ASIC2: variants seen among roughly 807,000 people sequenced by gnomAD.
The protein encoded by ASIC2 is acid-sensing ion channel 2.
ASIC2 carries 25 observed loss-of-function variants against 57.3 expected under a neutral mutation model. The ratio of observed to expected loss-of-function variants is 0.44; its 90% CI spans 0.32 to 0.61. The LOEUF is 0.61. Among genes scored for constraint, ASIC2 ranks in the 20% least tolerant of loss-of-function variants. The pLI, the probability that ASIC2 is intolerant of heterozygous loss-of-function variation, is 0.06. For synonymous variants in ASIC2, 319 were observed against 307.5 expected (o/e 1.04, Z -0.39); for missense variants, 641 against 738.1 (o/e 0.87, Z 1.52).
chr17:33,384,202 C>G (rs1001495567), intron 1 of ASIC2, among the ~76,000 whole-genome samples: 1 of 152,192 alleles, frequency 6.6e-6, no homozygotes, highest in East Asian at 1.9e-4. Flanking sequence ...GAATGTTACC[C>G]TGTAGAATAG....
chr17:33,447,356 A>G (rs9903070), intron 1 of ASIC2, among the ~76,000 whole-genome samples: 59,348 of 151,968 alleles, frequency 0.39, 12,003 homozygotes, highest in Non-Finnish European at 0.42. Flanking sequence ...TCAGGAGGAG[A>G]AGCCAAGGGG....
chr17:33,665,133 G>A (rs79427977), intron 1 of ASIC2, among the ~76,000 whole-genome samples: 1,657 of 152,182 alleles, frequency 0.011, 13 homozygotes, highest in Middle Eastern at 0.021. Context: ...GGCTCAGACC[G>A]TGAAGGCAGG....
At chr17:33,855,752 C>G (rs1271307369) in intron 1 of ASIC2, among the ~76,000 whole-genome samples, 1 of 152,068 alleles carries the variant, frequency 6.6e-6, no homozygotes, top group African/African-American at 2.4e-5. Context: ...TTTCTGTTGC[C>G]TGACCTAAGG....
intron 1 of ASIC2, among the ~76,000 whole-genome samples, chr17:33,478,300 T>C (rs934473145): frequency 6.6e-6 from 1 of 152,206 alleles, no homozygotes; most frequent in Non-Finnish European, 1.5e-5. Context: ...GCCCAGGGGC[T>C]AGGGGGCTTA....
intron 1 of ASIC2, among the ~76,000 whole-genome samples, chr17:33,817,647 G>A (rs528495201): frequency 2.6e-5 from 4 of 152,170 alleles, no homozygotes; most frequent in Admixed American, 6.5e-5. Context: ...TGGTTGCTAC[G>A]GCTGTTTATT....
At chr17:33,399,203 C>T (rs528689400) in intron 1 of ASIC2, among the ~76,000 whole-genome samples, 3 of 152,260 alleles carry the variant, frequency 2.0e-5, no homozygotes, top group African/African-American at 7.2e-5. Context: ...CTTCATGAGG[C>T]CCTTCTTTCT....
intron 1 of ASIC2, among the ~76,000 whole-genome samples, chr17:33,474,576 G>A (rs1476335870): frequency 6.6e-6 from 1 of 152,178 alleles, no homozygotes; most frequent in African/African-American, 2.4e-5. Context: ...TGCACAGCAG[G>A]CCACCTTGAG....
chr17:33,628,837 C>G (rs1906069292), intron 1 of ASIC2, among the ~76,000 whole-genome samples: 1 of 152,232 alleles, frequency 6.6e-6, no homozygotes, highest in Non-Finnish European at 1.5e-5. Flanking sequence ...CCAATGTTCA[C>G]CTTCTAGCAA....
At chr17:33,308,124 G>A (rs996898994) in intron 1 of ASIC2, among the ~76,000 whole-genome samples, 1 of 152,164 alleles carries the variant, frequency 6.6e-6, no homozygotes, top group African/African-American at 2.4e-5. Flanking sequence ...TAAACAAATT[G>A]ATAACAGAAC....
chr17:34,099,187 AGAAAGAAAGAAAGAAAGAAAGAAAG>A (rs1910696472), intron 1 of ASIC2, among the ~76,000 whole-genome samples: 2 of 110,796 alleles, frequency 1.8e-5, no homozygotes, highest in Non-Finnish European at 3.8e-5. Flanking sequence ...AAAGAAAGAA[AGAAAGAAAGAAAGAAAGAAAGAAAG>A]GAAAGAAAAG....
intron 1 of ASIC2, among the ~76,000 whole-genome samples, chr17:33,337,476 C>T (rs138731792): frequency 3.3e-4 from 50 of 149,642 alleles, no homozygotes; most frequent in African/African-American, 1.2e-3. Context: ...TCCTCCAAGC[C>T]CTGTGACCTG....
chr17:33,955,829 T>C (rs1219312774), intron 1 of ASIC2, among the ~76,000 whole-genome samples: 2 of 152,222 alleles, frequency 1.3e-5, no homozygotes. Context: ...CAGTGGATGC[T>C]TTCTGTAGTA....
intron 1 of ASIC2, among the ~76,000 whole-genome samples, chr17:33,340,502 C>A (rs765513630): frequency 2.0e-5 from 3 of 150,692 alleles, no homozygotes; most frequent in Non-Finnish European, 3.0e-5. Flanking sequence ...TCTTTCCTAT[C>A]GTTTTTCTTC....
At chr17:33,356,300 T>A (rs1272139024) in intron 1 of ASIC2, among the ~76,000 whole-genome samples, 2 of 152,142 alleles carry the variant, frequency 1.3e-5, no homozygotes, top group Admixed American at 6.6e-5. Context: ...TTCCATTTTA[T>A]TCAGATAGAA....
intron 1 of ASIC2, among the ~76,000 whole-genome samples, chr17:33,522,400 G>T (rs1567638546): frequency 6.6e-6 from 1 of 152,224 alleles, no homozygotes. Flanking sequence ...CCTGCTGTGG[G>T]CTGAGGCCCA....
At chr17:33,540,550 G>T (rs895101714) in intron 1 of ASIC2, among the ~76,000 whole-genome samples, 1 of 152,134 alleles carries the variant, frequency 6.6e-6, no homozygotes, top group African/African-American at 2.4e-5. Flanking sequence ...CAGCCATGAT[G>T]AAGACTTTGC....
At chr17:33,962,372 T>C (rs1245853492) in intron 1 of ASIC2, among the ~76,000 whole-genome samples, 4 of 152,138 alleles carry the variant, frequency 2.6e-5, no homozygotes, top group East Asian at 1.9e-4. Flanking sequence ...GCCTGGTACA[T>C]AGTAGATGCT....
intron 3 of ASIC2, among the ~76,000 whole-genome samples, chr17:33,046,207 A>G (rs1209899236): frequency 6.6e-6 from 1 of 152,148 alleles, no homozygotes; most frequent in Non-Finnish European, 1.5e-5. Context: ...TGACAAGGGC[A>G]GGGGATTGGG....
intron 3 of ASIC2, among the ~76,000 whole-genome samples, chr17:33,067,186 G>C (rs1055226955): frequency 6.6e-6 from 1 of 152,186 alleles, no homozygotes; most frequent in Non-Finnish European, 1.5e-5. Context: ...CCAAGCCTAG[G>C]CAAGGGTTGA....
Sources: gnomAD v4.1 joint callset for allele counts (sites outside exome capture counted in the v4.1 genomes callset) on GRCh38, gnomAD v4.1.1 for gene constraint, MANE v1.5 for transcripts, NCBI Gene and HGNC (gene_info 2026-07-23, HGNC 2026-07-21) for gene names.